SNHG17: variants seen among roughly 807,000 people sequenced by gnomAD.
SNHG17 encodes small nucleolar RNA host gene 17.
At chr20:38,433,742 G>A in intron 2 of SNHG17, 2 of 494,410 alleles carry the variant, frequency 4.0e-6, no homozygotes, top group South Asian at 1.5e-5. Context: ...CCTGAGGCAG[G>A]GACTCACCCC....
intron 5 of SNHG17, among the ~76,000 whole-genome samples, chr20:38,422,503 T>C (rs1790843757): frequency 1.3e-5 from 2 of 152,068 alleles, no homozygotes; most frequent in Non-Finnish European, 2.9e-5. Context: ...TAGGAAGAGG[T>C]CGGCAAACTA....
intron 2 of SNHG17, among the ~76,000 whole-genome samples, chr20:38,431,393 A>T (rs2084339457): frequency 6.6e-6 from 1 of 152,226 alleles, no homozygotes. Flanking sequence ...ATCACTTTGC[A>T]CACAGGGGCA....
At chr20:38,427,880 A>C (rs1222857884) in intron 3 of SNHG17, 1 of 153,100 alleles carries the variant, frequency 6.5e-6, no homozygotes, top group Non-Finnish European at 1.5e-5. Context: ...CGTGCTAGGC[A>C]GGTGGTGTCT....
intron 5 of SNHG17, among the ~76,000 whole-genome samples, chr20:38,423,884 C>T (rs1013432507): frequency 6.6e-6 from 1 of 152,076 alleles, no homozygotes; most frequent in African/African-American, 2.4e-5. Flanking sequence ...ATTTTAAAAA[C>T]AGGTTGGGTG....
At position 38,427,537 on chromosome 20, in the gene SNHG17, G is replaced by A. The variant is rs1453434394; in HGVS notation, n.381-1034C>T. 8.5e-6 allele frequency: 3 copies of A among 352,400 alleles called. No homozygotes were observed. The East Asian group carries it at 2.2e-4, about 26-fold the overall frequency. The allele number at this position is 352,400 out of a possible 1,614,324, so 21.8% of individuals were successfully genotyped here. On this transcript the variant is annotated intron_variant and non_coding_transcript_variant, in intron 3 of 8. Coordinates refer to ENST00000654008, the Ensembl canonical transcript of SNHG17. ...GGGACAGTACAAGACTCCTGCAGCT[G>A]CCATCTGTCCTGTAAAATCCCATAA... is the stretch of plus-strand genomic sequence containing the variant.
chr20:38,431,337 G>C (rs1041220242), intron 2 of SNHG17, among the ~76,000 whole-genome samples: 2 of 152,224 alleles, frequency 1.3e-5, no homozygotes, highest in Non-Finnish European at 2.9e-5. Flanking sequence ...GGAAAACCTT[G>C]TAACTTTTCC....
At chr20:38,423,420 C>CA (rs1263948700) in intron 5 of SNHG17, among the ~76,000 whole-genome samples, 2 of 143,592 alleles carry the variant, frequency 1.4e-5, no homozygotes, top group Non-Finnish European at 3.0e-5. Flanking sequence ...CTGTCTCAAC[C>CA]AAAAAAAAGA....
At chr20:38,432,073 C>G (rs1261802225) in intron 2 of SNHG17, 6 of 985,468 alleles carry the variant, frequency 6.1e-6, no homozygotes, top group Non-Finnish European at 6.0e-6. Flanking sequence ...AATCAGCCTC[C>G]TCTGCCAGAA....
At chr20:38,435,178 C>T (rs1600774076) in intron 1 of SNHG17, 3 of 1,232,238 alleles carry the variant, frequency 2.4e-6, no homozygotes. Flanking sequence ...GCCGACCATG[C>T]GCCCTGCTGT....
chr20:38,429,814 C>A (rs767273226), intron 3 of SNHG17: 2 of 517,298 alleles, frequency 3.9e-6, no homozygotes, highest in Non-Finnish European at 7.7e-6. Flanking sequence ...GCAGAAAGGG[C>A]AGAGGGCAAG....
At chr20:38,425,128 A>G in intron 5 of SNHG17, 1 of 471,066 alleles carries the variant, frequency 2.1e-6, no homozygotes, top group Non-Finnish European at 4.4e-6. Flanking sequence ...GCCATCCCTA[A>G]TGAGGTAAAC....
chr20:38,428,898 C>T (rs1368343196), intron 3 of SNHG17: 1 of 152,270 alleles, frequency 6.6e-6, no homozygotes, highest in Non-Finnish European at 1.5e-5. Context: ...GAGGGAAATC[C>T]TCCCCATACA....
exon 1 of SNHG17, chr20:38,435,252 C>A: frequency 8.1e-7 from 1 of 1,231,926 alleles, no homozygotes. Flanking sequence ...TGGGAAAAAT[C>A]AAGATGTCTG....
rs560834346 is a variant in SNHG17, at chr20:38,435,022, C to T, written n.185+175G>A. On this transcript the variant is annotated intron_variant and non_coding_transcript_variant, in intron 1 of 8. Coordinates refer to ENST00000654008, the Ensembl canonical transcript of SNHG17. Reference sequence around the variant, plus strand: ...AGCACTGCCGCGGCCAAGGGCGCGACTCACCTGCCAGTGTCTTTCCCGAGG... The same window carrying T: ...AGCACTGCCGCGGCCAAGGGCGCGATTCACCTGCCAGTGTCTTTCCCGAGG... 5.8e-5 allele frequency: 71 copies of T among 1,230,812 alleles called. No homozygotes were observed. The East Asian group carries it at 1.9e-3, about 32-fold the overall frequency. The allele number at this position is 1,230,812 out of a possible 1,614,324, so 76.2% of individuals were successfully genotyped here.
intron 2 of SNHG17, among the ~76,000 whole-genome samples, chr20:38,433,643 G>A (rs1461660707): frequency 6.6e-6 from 1 of 152,124 alleles, no homozygotes; most frequent in Non-Finnish European, 1.5e-5. Context: ...TGTCCTCAAG[G>A]TCACAATAGA....
At chr20:38,423,317 A>T (rs1305438238) in intron 5 of SNHG17, among the ~76,000 whole-genome samples, 3 of 149,804 alleles carry the variant, frequency 2.0e-5, no homozygotes, top group Non-Finnish European at 4.5e-5. Context: ...GGGTCACTTA[A>T]GCCCAGGAGA....
chr20:38,433,794 C>G (rs2084377926), intron 2 of SNHG17: 2 of 518,756 alleles, frequency 3.9e-6, no homozygotes, highest in South Asian at 2.8e-5. Flanking sequence ...CTGCACTGAG[C>G]CTTGCACAGG....
intron 5 of SNHG17, among the ~76,000 whole-genome samples, chr20:38,423,709 A>T (rs2084198130): frequency 6.6e-6 from 1 of 152,016 alleles, no homozygotes; most frequent in African/African-American, 2.4e-5. Context: ...AACATAAGGG[A>T]TTTCTGTGAA....
chr20:38,424,455 G>A (rs1188455914), intron 5 of SNHG17, among the ~76,000 whole-genome samples: 1 of 152,150 alleles, frequency 6.6e-6, no homozygotes, highest in Non-Finnish European at 1.5e-5. Context: ...CTCACAGCCA[G>A]GACTGAAGGT....
Sources: gnomAD v4.1 joint callset for allele counts (sites outside exome capture counted in the v4.1 genomes callset) on GRCh38, gnomAD v4.1.1 for gene constraint, MANE v1.5 for transcripts, NCBI Gene and HGNC (gene_info 2026-07-23, HGNC 2026-07-21) for gene names.